The following ANKRD53 variants were observed in gnomAD, a reference collection of about 807,000 sequenced individuals.
ANKRD53 encodes the protein ankyrin repeat domain-containing protein 53.
ANKRD53 carries 27 observed loss-of-function variants against 30.1 expected under a neutral mutation model. The ratio of observed to expected loss-of-function variants is 0.90; its 90% CI spans 0.66 to 1.24. The LOEUF (loss-of-function observed/expected upper bound fraction) is 1.24. ANKRD53 is among the 50% of genes most tolerant of loss of function. The pLI, the probability that ANKRD53 is intolerant of heterozygous loss-of-function variation, is 0.00. For synonymous variants in ANKRD53, 286 were observed against 295.4 expected, an observed-to-expected ratio of 0.97 and a Z score of 0.33; for missense variants, 682 against 721.0, an observed-to-expected ratio of 0.95 and a Z score of 0.62.
At position 70,985,244 on chromosome 2, in the gene ANKRD53, G is replaced by C. The variant is rs1553424651; in HGVS notation, c.1537G>C (p.Ala513Pro). The change falls in exon 6 of 6, where the codon GCT becomes CCT. Residue 513 changes from alanine to proline, a missense_variant. Physicochemically the swap from Ala to Pro is conservative, Grantham distance 27. Transcript: ENST00000360589. ...RDTFDEAFLAAVRSHQGLPTL... is the reference protein window; with the variant it reads ...RDTFDEAFLAPVRSHQGLPTL... The stretch of plus-strand genomic sequence containing the variant: ...CACATTCGATGAAGCCTTCCTGGCA[G>C]CTGTGCGATCTCATCAAGGACTCCC... 1 of 1,551,160 alleles carries C rather than the reference G, an allele frequency of 6.4e-7. No individual in the cohort carries two copies. The highest frequency in any genetic ancestry group is 2.0e-5 in the Admixed American group (1 of 51,006).
Position 70,984,616 on chromosome 2 carries a change from G to C in ANKRD53, c.909G>C (p.Glu303Asp). 1.2e-6 allele frequency: 2 copies of C among 1,613,910 alleles called. No individual in the cohort carries two copies. The highest frequency in any genetic ancestry group is 1.7e-6 in the Non-Finnish European group (2 of 1,179,854). The change falls in exon 6 of 6, where the codon GAG (glutamate) becomes GAC (aspartate). Residue 303 changes from glutamate (E) to aspartate (D), a missense_variant. Physicochemically the swap from Glu to Asp is conservative, Grantham distance 45. Transcript: ENST00000360589. The part of the protein sequence containing the change: ...EHNYLIEYQK[E>D]HKILREAAIR... ...TGTGCCCTCTGTTGTTGCAGAAAGA[G>C]CACAAAATTCTCAGAGAAGCTGCTA...
In ANKRD53 at chr2:70,984,922, C is replaced by A. The variant is rs1670130726; in HGVS notation, c.1215C>A (p.Gly405=). Residue 405 remains glycine (G), a synonymous_variant, in exon 6 of 6, where the codon GGC becomes GGA. Coordinates refer to ENST00000360589, the MANE Select transcript of ANKRD53 (RefSeq NM_001115116.2). ...CCACCCAGATCAGCCACTCGCAGGG[C>A]ATCCGCCTGGGCGTGCATCCAGACC... The part of the protein sequence containing the change: ...PPTTQISHSQ[G]IRLGVHPDPT... 1 of 1,550,778 alleles carries A rather than the reference C, an allele frequency of 6.4e-7. No individual in the cohort carries two copies.
intron 5 of ANKRD53, among the ~76,000 whole-genome samples, chr2:70,983,470 C>T (rs928089343): frequency 2.0e-5 from 3 of 152,184 alleles, no homozygotes; most frequent in Non-Finnish European, 1.5e-5. Context: ...GGTGTAATTA[C>T]ATAGGGTGCA....
At chr2:70,983,081 G>T (rs1553423971) in intron 5 of ANKRD53, among the ~76,000 whole-genome samples, 1 of 152,182 alleles carries the variant, frequency 6.6e-6, no homozygotes, top group African/African-American at 2.4e-5. Context: ...CATTCACTCT[G>T]TGCTAGGAAC....
intron 3 of ANKRD53, 52 bp downstream of exon 3, chr2:70,979,912 G>A (rs782090221): frequency 5.0e-6 from 8 of 1,605,108 alleles, no homozygotes; most frequent in African/African-American, 1.3e-5. Flanking sequence ...CACGGGCACA[G>A]CCCTACTTCC....
chr2:70,978,759 G>A lies in ANKRD53; in HGVS notation c.114G>A (p.Gln38=), dbSNP rs1229856737. 6.4e-7 allele frequency: 1 copy of A among 1,569,134 alleles called. No individual in the cohort carries two copies. Among genetic ancestry groups the A allele is most frequent in the Non-Finnish European group, 8.6e-7 (1 of 1,157,568 alleles). The part of the protein sequence containing the change: ...PQPTPSGSMQ[Q]ANKVSLKATW... ...CAACTCCAAGTGGCTCCATGCAGCA[G>A]GCGAACAAAGTCTCCTTGAAGGCCA... The change falls in exon 1 of 6, where the codon CAG becomes CAA. Residue 38 remains glutamine, a synonymous_variant. Transcript: ENST00000360589. This position sits in a 1 kb window ranked among gnomAD's most constrained non-coding sequence, Gnocchi z 4.3.
In ANKRD53 at chr2:70,982,434, C is replaced by T; in HGVS notation, c.783-143C>T. On this transcript the variant is annotated intron_variant, in intron 4 of 5. Coordinates refer to ENST00000360589, the MANE Select transcript of ANKRD53 (RefSeq NM_001115116.2). This position sits in a 1 kb window ranked among gnomAD's most constrained non-coding sequence, Gnocchi z 4.2. Reference sequence around the variant, plus strand: ...AAGTAGGGAGCCAGAGGGCCCCGGGCAATGGGGATGGCTCATCTTGCTCCT... The same window carrying T: ...AAGTAGGGAGCCAGAGGGCCCCGGGTAATGGGGATGGCTCATCTTGCTCCT... 1 of 1,189,160 alleles carries T rather than the reference C, an allele frequency of 8.4e-7. No individual in the cohort carries two copies. Among genetic ancestry groups the T allele is most frequent in the Non-Finnish European group, 1.2e-6 (1 of 848,698 alleles). 73.7% of individuals were successfully genotyped at this position (1,189,160 alleles called of 1,614,324 possible).
rs952623303 is a variant in ANKRD53, at chr2:70,985,116, T to C, written c.1409T>C (p.Val470Ala). The C allele has an allele frequency of 3.2e-6, 5 of 1,551,056 alleles. No homozygotes were observed. In the Admixed American group the frequency reaches 5.9e-5, roughly 18 times the overall value. Residue 470 changes from valine to alanine, a missense_variant, in exon 6 of 6, where the codon GTG (valine) becomes GCG (alanine). By Grantham distance (64) the Val-to-Ala change is moderately conservative. Coordinates refer to ENST00000360589, the MANE Select transcript of ANKRD53 (RefSeq NM_001115116.2). ...CGTGTATGGCCATACAGAATGAAGG[T>C]GCCCCAGGGCTTTTACCCCATCAGC... ...YPRVWPYRMK[V>A]PQGFYPISMR...
At position 70,985,170 on chromosome 2, in the gene ANKRD53, T is replaced by G. The variant is rs61735674; in HGVS notation, c.1463T>G (p.Leu488Arg). The change falls in exon 6 of 6, where the codon CTG (leucine) becomes CGG (arginine). Residue 488 changes from leucine (L) to arginine (R), a missense_variant. Transcript: ENST00000360589. ...AGGGAAGTGCCCAGGAAGCGGCACCTGGGTGACAACACCTTCTGGACCGAC... is the reference window on the plus strand; with the variant it reads ...AGGGAAGTGCCCAGGAAGCGGCACCGGGGTGACAACACCTTCTGGACCGAC... ...SMREVPRKRH[L>R]GDNTFWTDTL... The G allele has an allele frequency of 5.2e-4, 804 of 1,551,260 alleles. 4 individuals are homozygous for G. The African/African-American group carries it at 9.8e-3, about 19-fold the overall frequency.
At position 70,984,630 on chromosome 2, in the gene ANKRD53, GA is replaced by G. The variant is rs782394805; in HGVS notation, c.924del (p.Glu309LysfsTer118). On this transcript the variant is annotated frameshift_variant, in exon 6 of 6. Transcript: ENST00000360589. LOFTEE classifies it low-confidence loss of function (END_TRUNC). Reference protein sequence around the residue: ...IEYQKEHKILREAAIRKWLHG... With the variant: ...IEYQKEHKILXEAAIRKWLHG... ...TTGCAGAAAGAGCACAAAATTCTCA[GA>G]GAAGCTGCTATCAGAAAGTGGCTCC... The G allele has an allele frequency of 1.2e-6, 2 of 1,614,072 alleles. No individual in the cohort carries two copies. Among genetic ancestry groups the G allele is most frequent in the South Asian group, 2.2e-5 (2 of 91,080 alleles).
chr2:70,979,022 G>T (rs1287023332), intron 1 of ANKRD53, 75 bp from the exon 2 acceptor site: 5 of 1,438,120 alleles, frequency 3.5e-6, no homozygotes, highest in Non-Finnish European at 4.6e-6. Context: ...CCAGCCAGGC[G>T]GGGGCCAGGG....
In ANKRD53 at chr2:70,985,476, A is replaced by G; in HGVS notation, c.*176A>G. 1.6e-6 allele frequency: 1 copy of G among 612,110 alleles called. No individual in the cohort carries two copies. Among genetic ancestry groups the G allele is most frequent in the Non-Finnish European group, 2.8e-6 (1 of 363,530 alleles). The allele number at this position is 612,110 out of a possible 1,614,324, so 37.9% of individuals were successfully genotyped here. The stretch of plus-strand genomic sequence containing the variant: ...ACCCCAGGCCTCCCTTTTCTCTGCA[A>G]ATAAATCTCTTGGCACCCCCCCACC... On this transcript the variant is annotated 3_prime_UTR_variant, in exon 6 of 6. Coordinates refer to ENST00000360589, the MANE Select transcript of ANKRD53 (RefSeq NM_001115116.2).
In ANKRD53 at chr2:70,985,497, C is replaced by G. The variant is rs79313936; in HGVS notation, c.*197C>G. 2.8e-3 allele frequency: 1,657 copies of G among 583,914 alleles called. 40 individuals carry two copies. In the East Asian group the frequency reaches 0.047, roughly 17 times the overall value. 36.2% of individuals were successfully genotyped at this position (583,914 alleles called of 1,614,324 possible). On this transcript the variant is annotated 3_prime_UTR_variant, in exon 6 of 6. Coordinates refer to ENST00000360589, the MANE Select transcript of ANKRD53 (RefSeq NM_001115116.2). ...TGCAAATAAATCTCTTGGCACCCCC[C>G]CACCGCCGCCAGGAAATCCAAGTTA...
Position 70,984,832 on chromosome 2 carries a change from C to A in ANKRD53, c.1125C>A (p.Tyr375Ter), listed in dbSNP as rs1553424421. The A allele has an allele frequency of 1.9e-6, 3 of 1,552,438 alleles. No homozygotes were observed. The highest frequency in any genetic ancestry group is 2.6e-6 in the Non-Finnish European group (3 of 1,147,286). The part of the protein sequence containing the change: ...PQPTEMPKPI[Y>*]RKPTVKRPTM... ...CCACGGAGATGCCCAAGCCCATCTACAGGAAGCCCACGGTCAAGCGGCCCA... is the reference window on the plus strand; with the variant it reads ...CCACGGAGATGCCCAAGCCCATCTAAAGGAAGCCCACGGTCAAGCGGCCCA... Residue 375 changes from tyrosine to a stop codon, truncating the protein, a stop_gained, in exon 6 of 6, where the codon TAC becomes TAA. Coordinates refer to ENST00000360589, the MANE Select transcript of ANKRD53 (RefSeq NM_001115116.2). LOFTEE classifies it low-confidence loss of function (END_TRUNC).
In ANKRD53 at chr2:70,978,702, A is replaced by C. The variant is rs1669899814; in HGVS notation, c.57A>C (p.Glu19Asp). 1 of 1,546,666 alleles carries C rather than the reference A, an allele frequency of 6.5e-7. No homozygotes were observed. Among genetic ancestry groups the C allele is most frequent in the Non-Finnish European group, 8.7e-7 (1 of 1,145,822 alleles). ...CGGGCTCCGGAAGCTGGCACTCAGA[A>C]AGGGGAGAAGGGAGAGGTGCTCGGC... ...RRAGSGSWHS[E>D]RGEGRGARPQ... Residue 19 changes from glutamate (E) to aspartate (D), a missense_variant, in exon 1 of 6, where the codon GAA (glutamate) becomes GAC (aspartate). Physicochemically the swap from Glu to Asp is conservative, Grantham distance 45. Coordinates refer to ENST00000360589, the MANE Select transcript of ANKRD53 (RefSeq NM_001115116.2). This position sits in a 1 kb window ranked among gnomAD's most constrained non-coding sequence, Gnocchi z 4.3.
rs376323340 is a variant in ANKRD53 at position 70,985,263 on chromosome 2, G to C, written c.1556G>C (p.Gly519Ala). The part of the protein sequence containing the change: ...AFLAAVRSHQ[G>A]LPTLPSPQTN... ...CTGGCAGCTGTGCGATCTCATCAAG[G>C]ACTCCCCACCCTGCCCTCCCCACAA... Residue 519 changes from glycine to alanine, a missense_variant, in exon 6 of 6, where the codon GGA (glycine) becomes GCA (alanine). Physicochemically the swap from Gly to Ala is moderately conservative, Grantham distance 60. Coordinates refer to ENST00000360589, the MANE Select transcript of ANKRD53 (RefSeq NM_001115116.2). 65 of 1,550,620 alleles carry C rather than the reference G, an allele frequency of 4.2e-5. No homozygotes were observed. The East Asian group carries it at 6.6e-4, about 16-fold the overall frequency.
chr2:70,979,930 C>A, intron 3 of ANKRD53, 70 bp downstream of exon 3: 1 of 1,562,702 alleles, frequency 6.4e-7, no homozygotes, highest in Admixed American at 1.7e-5. Context: ...TCCAGGCAGG[C>A]AAATCCATGC....
chr2:70,984,688 C>T lies in ANKRD53; in HGVS notation c.981C>T (p.Val327=). ...AGCTGCACCCAGGCCACTCTCTGGT[C>T]TCCAATACCAAGCAAGCCCGGGCCA... The part of the protein sequence containing the change: ...HGKLHPGHSL[V]SNTKQARATA... Residue 327 remains valine (V), a synonymous_variant, in exon 6 of 6, where the codon GTC becomes GTT. Transcript: ENST00000360589. 3.1e-6 allele frequency: 5 copies of T among 1,614,032 alleles called. No homozygotes were observed. Among genetic ancestry groups the T allele is most frequent in the Non-Finnish European group, 4.2e-6 (5 of 1,179,920 alleles).
At position 70,979,227 on chromosome 2, in the gene ANKRD53, A is replaced by G. The variant is rs1669923982; in HGVS notation, c.301A>G (p.Ile101Val). 6.2e-7 allele frequency: 1 copy of G among 1,613,338 alleles called. No homozygotes were observed. The highest frequency in any genetic ancestry group is 8.5e-7 in the Non-Finnish European group (1 of 1,180,016). ...CAGCAAGGAGTCCGACCAGACGGCAATCGACCAGACGGCGATCGGGAGCTA... is the reference window on the plus strand; with the variant it reads ...CAGCAAGGAGTCCGACCAGACGGCAGTCGACCAGACGGCGATCGGGAGCTA... ...SPSKESDQTA[I>V]DQTAIGSYYQ... The change falls in exon 2 of 6, where the codon ATC becomes GTC. Residue 101 changes from isoleucine (I) to valine (V), a missense_variant. Ile to Val is a conservative substitution (Grantham distance 29). Coordinates refer to ENST00000360589, the MANE Select transcript of ANKRD53 (RefSeq NM_001115116.2).
Sources: gnomAD v4.1 joint callset for allele counts (sites outside exome capture counted in the v4.1 genomes callset) on GRCh38, gnomAD v4.1.1 for gene constraint, Gnocchi (gnomAD v3.1) non-coding constraint, MANE v1.5 for transcripts, NCBI Gene and HGNC (gene_info 2026-07-23, HGNC 2026-07-21) for gene names.